Variants in PSEN1 observed in about 807,000 individuals in gnomAD.
PSEN1 encodes the protein presenilin 1.
Under a neutral mutation model 53.5 loss-of-function variants are expected in PSEN1, and 15 were observed. The ratio of observed to expected loss-of-function variants is 0.28; its 90% CI spans 0.19 to 0.43. The LOEUF (loss-of-function observed/expected upper bound fraction) is 0.43. Among genes scored for constraint, PSEN1 ranks in the 20% least tolerant of loss-of-function variants. PSEN1 has a pLI of 1.00. For missense variants in PSEN1, 387 were observed against 571.2 expected (o/e 0.68, Z 3.29); for synonymous variants, 208 against 209.8 (o/e 0.99, Z 0.08).
At chr14:73,160,907 A>G (rs1248944859) in intron 3 of PSEN1, among the ~76,000 whole-genome samples, 2 of 135,420 alleles carry the variant, frequency 1.5e-5, no homozygotes, top group Non-Finnish European at 3.0e-5. Flanking sequence ...TGCCGGGTTC[A>G]TGCTATTGTA....
Position 73,186,885 on chromosome 14 carries a change from A to G in PSEN1, c.513A>G (p.Leu171=), listed in dbSNP as rs758201010. 3.7e-6 allele frequency: 6 copies of G among 1,613,598 alleles called. No individual in the cohort carries two copies. Among genetic ancestry groups the G allele is most frequent in the Non-Finnish European group, 5.1e-6 (6 of 1,179,690 alleles). ...VIHAWLIISS[L]LLLFFFSFIY... Reference sequence around the variant, plus strand: ...ATGCCTGGCTTATTATATCATCTCTATTGTTGCTGTTCTTTTTTTCATTCA... The same window carrying G: ...ATGCCTGGCTTATTATATCATCTCTGTTGTTGCTGTTCTTTTTTTCATTCA... Residue 171 remains leucine, a synonymous_variant, in exon 6 of 12, where the codon CTA becomes CTG. Transcript: ENST00000324501.
intron 7 of PSEN1, among the ~76,000 whole-genome samples, chr14:73,196,975 C>G (rs1265111417): frequency 6.8e-6 from 1 of 147,780 alleles, no homozygotes; most frequent in Non-Finnish European, 1.5e-5. Flanking sequence ...CTGTATTGCC[C>G]AGGCTGGAGT....
At chr14:73,206,509 A>G (rs1899463235) in intron 9 of PSEN1, 37 bp downstream of exon 9, 1 of 1,423,474 alleles carries the variant, frequency 7.0e-7, no homozygotes, top group African/African-American at 1.4e-5. Flanking sequence ...TTGATTTTTC[A>G]GGGTCACTGT....
intron 8 of PSEN1, among the ~76,000 whole-genome samples, chr14:73,199,650 T>A (rs1313748978): frequency 2.0e-5 from 3 of 152,222 alleles, no homozygotes; most frequent in Non-Finnish European, 4.4e-5. Flanking sequence ...GTATTTAAAT[T>A]TTGATAGTTT....
chr14:73,159,807 A>G (rs1013518792), intron 3 of PSEN1, among the ~76,000 whole-genome samples: 3 of 152,114 alleles, frequency 2.0e-5, no homozygotes, highest in Admixed American at 2.0e-4. Context: ...CTGTTTCTAT[A>G]ACATGGACTA....
At chr14:73,167,335 A>G (rs1442337618) in intron 3 of PSEN1, among the ~76,000 whole-genome samples, 1 of 152,226 alleles carries the variant, frequency 6.6e-6, no homozygotes, top group Admixed American at 6.5e-5. Flanking sequence ...TATCAATGTG[A>G]TGCTCAAAGG....
chr14:73,213,649 C>G (rs1311900880), intron 10 of PSEN1, among the ~76,000 whole-genome samples: 6 of 152,182 alleles, frequency 3.9e-5, no homozygotes, highest in Non-Finnish European at 8.8e-5. Context: ...CTAAAGCAAT[C>G]TGTTAAAAGT....
At chr14:73,206,330 G>A in intron 8 of PSEN1, 56 bp from the exon 9 acceptor site, 2 of 1,220,916 alleles carry the variant, frequency 1.6e-6, no homozygotes, top group Non-Finnish European at 2.4e-6. Flanking sequence ...GCTTGTTGTT[G>A]TCTATGCATA....
rs371208067 is a variant in PSEN1, at chr14:73,221,295, ATCATT to A, written c.*2007_*2011del. 17 of 152,348 alleles carry A rather than the reference ATCATT, an allele frequency of 1.1e-4. No homozygotes were observed. In the East Asian group the frequency reaches 2.1e-3, roughly 19 times the overall value. 9.4% of individuals were successfully genotyped at this position (152,348 alleles called of 1,614,324 possible). A position where few individuals can be genotyped will look rare whatever the true frequency, so the allele number is the denominator to read the frequency against. On this transcript the variant is annotated 3_prime_UTR_variant, in exon 12 of 12. Transcript: ENST00000324501. ...TCAGACATGTGCTAGCATGGGTATT[ATCATT>A]GAGAAAGCACAGCTACAGCAAAGCC...
chr14:73,174,785 C>T (rs1224954097), intron 5 of PSEN1, among the ~76,000 whole-genome samples: 1 of 152,198 alleles, frequency 6.6e-6, no homozygotes, highest in African/African-American at 2.4e-5. Context: ...ACCATCTCCA[C>T]TGTACTACTT....
At chr14:73,155,922 A>G (rs1897340986) in intron 3 of PSEN1, among the ~76,000 whole-genome samples, 1 of 152,198 alleles carries the variant, frequency 6.6e-6, no homozygotes, top group Non-Finnish European at 1.5e-5. Flanking sequence ...CTGTCAATGT[A>G]GGTTCATCTG....
At chr14:73,189,848 C>T in intron 6 of PSEN1, 1 of 248,754 alleles carries the variant, frequency 4.0e-6, no homozygotes, top group Non-Finnish European at 8.3e-6. Flanking sequence ...CTGCTGACTG[C>T]CTTCCAAGAA....
chr14:73,199,606 G>A (rs1899096764), intron 8 of PSEN1, among the ~76,000 whole-genome samples: 1 of 152,138 alleles, frequency 6.6e-6, no homozygotes, highest in African/African-American at 2.4e-5. Context: ...ATTATAAAAT[G>A]TATTCTTACA....
intron 10 of PSEN1, among the ~76,000 whole-genome samples, chr14:73,216,021 A>G (rs928637037): frequency 1.2e-4 from 18 of 152,236 alleles, no homozygotes; most frequent in African/African-American, 4.1e-4. Flanking sequence ...AGCATTATTC[A>G]GAATAGCCCC....
chr14:73,184,895 G>GGCT, intron 5 of PSEN1, among the ~76,000 whole-genome samples: 2 of 149,974 alleles, frequency 1.3e-5, no homozygotes, highest in African/African-American at 4.9e-5. Context: ...CAGACGGGGC[G>GGCT]GCCGGGCAGA....
intron 5 of PSEN1, among the ~76,000 whole-genome samples, chr14:73,176,308 G>T (rs1366437013): frequency 6.6e-6 from 1 of 151,788 alleles, no homozygotes; most frequent in African/African-American, 2.4e-5. Context: ...CCCTTTTTTT[G>T]TCTGCACGTG....
chr14:73,162,204 A>G (rs1897567540), intron 3 of PSEN1, among the ~76,000 whole-genome samples: 1 of 151,314 alleles, frequency 6.6e-6, no homozygotes, highest in Admixed American at 6.6e-5. Flanking sequence ...GTTAAATAGA[A>G]AAAGGACATA....
At chr14:73,153,825 GC>G (rs985799555) in intron 3 of PSEN1, among the ~76,000 whole-genome samples, 1 of 149,826 alleles carries the variant, frequency 6.7e-6, no homozygotes, top group African/African-American at 2.5e-5. Context: ...CGATTCTCCT[GC>G]CTTAGTCTCC....
chr14:73,217,511 C>A (rs58317194), intron 11 of PSEN1, among the ~76,000 whole-genome samples: 3 of 152,274 alleles, frequency 2.0e-5, no homozygotes, highest in Admixed American at 1.3e-4. Context: ...CCAGGAAATT[C>A]TGGTATTTCT....
Sources: allele counts gnomAD v4.1 joint callset (sites outside exome capture counted in the v4.1 genomes callset), GRCh38; gene constraint gnomAD v4.1.1; transcripts MANE v1.5; gene names NCBI Gene and HGNC (gene_info 2026-07-23, HGNC 2026-07-21).